The following SAMD3 variants were observed in gnomAD, a reference collection of about 807,000 sequenced individuals.
The protein encoded by SAMD3 is sterile alpha motif domain containing 3, also known as sterile alpha motif domain-containing protein 3.
SAMD3 carries 63 observed loss-of-function variants against 58.5 expected under a neutral mutation model. That is an observed-to-expected ratio of 1.08 (90% CI 0.88 to 1.33). SAMD3 has a LOEUF of 1.33. Among genes scored for constraint, SAMD3 ranks in the 40% most tolerant of loss-of-function variants. SAMD3 has a pLI of 0.00. For synonymous variants in SAMD3, 220 were observed against 210.3 expected, an observed-to-expected ratio of 1.05 and a Z score of -0.40; for missense variants, 604 against 608.4, an observed-to-expected ratio of 0.99 and a Z score of 0.08.
At chr6:130,182,427 T>C (rs115769328) in intron 7 of SAMD3, among the ~76,000 whole-genome samples, 206 of 152,226 alleles carry the variant, frequency 1.4e-3, no homozygotes, top group African/African-American at 4.8e-3. Flanking sequence ...TTCCTCAGTC[T>C]GAGTGGTGAA....
chr6:130,206,982 C>A (rs1033403943), intron 5 of SAMD3, among the ~76,000 whole-genome samples: 2 of 151,958 alleles, frequency 1.3e-5, no homozygotes, highest in African/African-American at 4.8e-5. Context: ...GATCTCATTT[C>A]TACAAATCAT....
At chr6:130,250,029 C>T (rs1354621181) in intron 2 of SAMD3, among the ~76,000 whole-genome samples, 1 of 152,046 alleles carries the variant, frequency 6.6e-6, no homozygotes, top group Non-Finnish European at 1.5e-5. Context: ...ACGGTGCTCC[C>T]AGGGATGAAG....
chr6:130,233,681 C>G (rs985194816), intron 2 of SAMD3, among the ~76,000 whole-genome samples: 6 of 152,044 alleles, frequency 3.9e-5, no homozygotes, highest in African/African-American at 1.4e-4. Flanking sequence ...AAATCAAAAC[C>G]CTGAAATAGA....
At chr6:130,303,083 C>T (rs1409602862) in intron 2 of SAMD3, among the ~76,000 whole-genome samples, 1 of 152,164 alleles carries the variant, frequency 6.6e-6, no homozygotes, top group Non-Finnish European at 1.5e-5. Flanking sequence ...CTCAGTACCA[C>T]ATATTACTGT....
At chr6:130,150,421 G>A (rs980381014) in intron 9 of SAMD3, among the ~76,000 whole-genome samples, 17 of 152,114 alleles carry the variant, frequency 1.1e-4, no homozygotes, top group African/African-American at 3.9e-4. Context: ...GAATGGCGCC[G>A]CTCACTGTAA....
At chr6:130,231,541 G>T (rs562744863) in intron 2 of SAMD3, among the ~76,000 whole-genome samples, 1 of 152,170 alleles carries the variant, frequency 6.6e-6, no homozygotes, top group East Asian at 1.9e-4. Context: ...TCCAGTCTGG[G>T]CGACAAGAGT....
chr6:130,173,487 G>A (rs575596386), intron 8 of SAMD3, among the ~76,000 whole-genome samples: 48 of 152,300 alleles, frequency 3.2e-4, no homozygotes, highest in South Asian at 1.7e-3. Flanking sequence ...GATGCTATTC[G>A]TCTGGGTATT....
rs1788423341 is a variant in SAMD3 at position 130,144,363 on chromosome 6, C to CTAAG, written c.*153_*156dup. On this transcript the variant is annotated 3_prime_UTR_variant, in exon 12 of 12. Transcript: ENST00000439090. The stretch of plus-strand genomic sequence containing the variant: ...CAGAATTTCACAAAGAACTTAATAT[C>CTAAG]TAAGTGTAAAGATAGAAAGCATTGA... 4.9e-6 allele frequency: 3 copies of CTAAG among 614,348 alleles called. No homozygotes were observed. The highest frequency in any genetic ancestry group is 5.5e-5 in the South Asian group (2 of 36,168). The allele number at this position is 614,348 out of a possible 1,614,324, so 38.1% of individuals were successfully genotyped here. A position where few individuals can be genotyped will look rare whatever the true frequency, so the allele number is the denominator to read the frequency against.
At chr6:130,228,212 T>C (rs7773365) in intron 2 of SAMD3, among the ~76,000 whole-genome samples, 2,454 of 152,308 alleles carry the variant, frequency 0.016, 64 homozygotes, top group African/African-American at 0.055. Context: ...AACTCCAGCA[T>C]CTCAGCACAG....
intron 1 of SAMD3, among the ~76,000 whole-genome samples, chr6:130,325,482 C>A (rs1212426057): frequency 6.6e-6 from 1 of 152,150 alleles, no homozygotes; most frequent in Non-Finnish European, 1.5e-5. Flanking sequence ...ATGATGCCCA[C>A]CCACACTCGT....
rs1311759968 is a variant in SAMD3 at position 130,214,410 on chromosome 6, T to G, written c.196A>C (p.Asn66His). Residue 66 changes from asparagine (N) to histidine (H), a missense_variant, in exon 4 of 12, where the codon AAC (asparagine) becomes CAC (histidine). Physicochemically the swap from Asn to His is moderately conservative, Grantham distance 68. Transcript: ENST00000439090. Reference sequence around the variant, plus strand: ...TCTGGGGACTTCAGTCCTTGAGTGTTCTGCTTGTATTTTTTAATTAAATCC... The same window carrying G: ...TCTGGGGACTTCAGTCCTTGAGTGTGCTGCTTGTATTTTTTAATTAAATCC... ...LMDLIKKYKQNTQGLKSPENP... is the reference protein window; with the variant it reads ...LMDLIKKYKQHTQGLKSPENP... The G allele has an allele frequency of 6.2e-7, 1 of 1,613,282 alleles. No homozygotes were observed. Among genetic ancestry groups the G allele is most frequent in the Admixed American group, 1.7e-5 (1 of 59,928 alleles).
Position 130,184,740 on chromosome 6 carries a change from G to C in SAMD3, c.384-117C>G, listed in dbSNP as rs1562413255. ...AACTTTCCTGAGACCCAAATATATG[G>C]AAGTCATCAAGCCATCTTCCATCCA... On this transcript the variant is annotated intron_variant, in intron 5 of 11. Transcript: ENST00000439090. 1.3e-5 allele frequency: 10 copies of C among 753,394 alleles called. No individual in the cohort carries two copies. In the South Asian group the frequency reaches 1.8e-4, roughly 14 times the overall value. The allele number at this position is 753,394 out of a possible 1,614,324, so 46.7% of individuals were successfully genotyped here.
chr6:130,364,680 T>A (rs1778082707), intron 1 of SAMD3, among the ~76,000 whole-genome samples: 1 of 152,050 alleles, frequency 6.6e-6, no homozygotes. Flanking sequence ...TCCCCCACCG[T>A]AACTCCTTTA....
chr6:130,260,472 C>G (rs1434277656), intron 2 of SAMD3, among the ~76,000 whole-genome samples: 1 of 152,170 alleles, frequency 6.6e-6, no homozygotes, highest in Admixed American at 6.5e-5. Context: ...AGTTGTGAGC[C>G]CTTAAAAGGG....
intron 5 of SAMD3, among the ~76,000 whole-genome samples, chr6:130,208,588 G>T (rs1180956610): frequency 6.6e-6 from 1 of 152,136 alleles, no homozygotes; most frequent in Non-Finnish European, 1.5e-5. Flanking sequence ...GCATGTGAAG[G>T]ATCTAGGTTG....
At chr6:130,221,898 G>C (rs1406660889) in intron 1 of SAMD3, 1 of 152,100 alleles carries the variant, frequency 6.6e-6, no homozygotes, top group African/African-American at 2.4e-5. Flanking sequence ...TTTTAAACCA[G>C]TATCTGAAAA....
chr6:130,308,439 T>TATTCTATTCTATTCTA (rs1562513320), intron 2 of SAMD3, among the ~76,000 whole-genome samples: 3 of 148,650 alleles, frequency 2.0e-5, no homozygotes, highest in Non-Finnish European at 3.0e-5. Flanking sequence ...TATTCTATTC[T>TATTCTATTCTATTCTA]TTTGTGTGTG....
At chr6:130,259,109 G>A (rs528633252) in intron 2 of SAMD3, among the ~76,000 whole-genome samples, 11 of 152,262 alleles carry the variant, frequency 7.2e-5, no homozygotes, top group Admixed American at 4.6e-4. Context: ...CTCAGTCTTA[G>A]GTTACTTTCC....
At chr6:130,210,340 T>C (rs1266262598) in intron 4 of SAMD3, among the ~76,000 whole-genome samples, 1 of 152,192 alleles carries the variant, frequency 6.6e-6, no homozygotes, top group African/African-American at 2.4e-5. Flanking sequence ...GCTCAACATC[T>C]GTAATCCCAG....
Sources: gnomAD v4.1 joint callset for allele counts (sites outside exome capture counted in the v4.1 genomes callset) on GRCh38, gnomAD v4.1.1 for gene constraint, MANE v1.5 for transcripts, NCBI Gene and HGNC (gene_info 2026-07-23, HGNC 2026-07-21) for gene names.